FBXW8: variants seen among roughly 807,000 people sequenced by gnomAD.
FBXW8 encodes the protein F-box/WD repeat-containing protein 8.
Under a neutral mutation model 65.3 loss-of-function variants are expected in FBXW8, and 57 were observed. The observed-to-expected ratio is 0.87, with a 90% CI of 0.71 to 1.09. The LOEUF is 1.09. Ranked by LOEUF, FBXW8 falls within the 50% of genes least tolerant of loss-of-function variation. FBXW8 has a pLI of 0.00. For synonymous variants in FBXW8, 308 were observed against 330.2 expected (o/e 0.93, Z 0.73); for missense variants, 777 against 814.8 (o/e 0.95, Z 0.57).
rs1381430366 is a variant in FBXW8 at position 116,932,228 on chromosome 12, G to A, written c.423+4101G>A. ...TGATGGACAACTGTATTCTCTAGGA[G>A]ACACTGGAGTATCCATTCTCCATAA... On this transcript the variant is annotated intron_variant, in intron 2 of 10. Coordinates refer to ENST00000652555, the MANE Select transcript of FBXW8 (RefSeq NM_153348.3). Among the ~76,000 whole-genome samples the A allele has an allele frequency of 2.0e-5, 3 of 152,240 alleles. No homozygotes were observed. In the East Asian group the frequency reaches 5.8e-4, roughly 29 times the overall value.
chr12:117,016,870 A>G (rs752242305), intron 8 of FBXW8, among the ~76,000 whole-genome samples: 6 of 152,172 alleles, frequency 3.9e-5, no homozygotes, highest in Non-Finnish European at 7.3e-5. Flanking sequence ...CTATCCTGGC[A>G]CCATCTGTTG....
At chr12:116,934,661 C>CA (rs769878895) in intron 2 of FBXW8, among the ~76,000 whole-genome samples, 82 of 152,004 alleles carry the variant, frequency 5.4e-4, no homozygotes, top group Non-Finnish European at 9.4e-4. Flanking sequence ...TAGGAAGTTG[C>CA]AAAAAATAGT....
chr12:116,949,767 C>A, intron 4 of FBXW8, 61 bp downstream of exon 4: 1 of 1,478,006 alleles, frequency 6.8e-7, no homozygotes, highest in Non-Finnish European at 9.5e-7. Context: ...TTTCTCATAC[C>A]ACCCTCTGAG....
rs780902755 is a variant in FBXW8 at position 116,928,083 on chromosome 12, A to G, written c.379A>G (p.Ile127Val). ...ACTGCCTTACGAATTGGCAATCAATATATTTCAGTATCTGGACAGGAAAGA... is the reference window on the plus strand; with the variant it reads ...ACTGCCTTACGAATTGGCAATCAATGTATTTCAGTATCTGGACAGGAAAGA... ...IQLPYELAIN[I>V]FQYLDRKELG... Residue 127 changes from isoleucine (I) to valine (V), a missense_variant, in exon 2 of 11, where the codon ATA becomes GTA. Coordinates refer to ENST00000652555, the MANE Select transcript of FBXW8 (RefSeq NM_153348.3). The G allele has an allele frequency of 5.0e-6, 8 of 1,612,512 alleles. No homozygotes were observed. The South Asian group carries it at 8.8e-5, about 18-fold the overall frequency.
rs572886322 is a variant in FBXW8, at chr12:116,934,033, C to G, written c.423+5906C>G. ...ACTAAATGTATGCCCTTGGAGAAAA[C>G]CTGTTTGCTTAGATCTTTATGCCAA... is the stretch of plus-strand genomic sequence containing the variant. On this transcript the variant is annotated intron_variant, in intron 2 of 10. Transcript: ENST00000652555. 1.2e-4 allele frequency among the ~76,000 whole-genome samples: 18 copies of G among 152,152 alleles called. No homozygotes were observed. The South Asian group carries it at 3.7e-3, about 32-fold the overall frequency.
chr12:117,010,602 C>T, intron 8 of FBXW8, 152 bp downstream of exon 8: 1 of 955,416 alleles, frequency 1.0e-6, no homozygotes, highest in Non-Finnish European at 1.6e-6. Flanking sequence ...ACTCAGAGAA[C>T]AAAGTCCTGT....
chr12:116,991,514 G>A (rs1010120611), intron 7 of FBXW8, among the ~76,000 whole-genome samples: 11 of 152,178 alleles, frequency 7.2e-5, no homozygotes, highest in African/African-American at 1.4e-4. Flanking sequence ...CTTTGCTTGC[G>A]AATACCATGC....
At chr12:117,017,047 C>G (rs1953969402) in intron 8 of FBXW8, among the ~76,000 whole-genome samples, 1 of 152,222 alleles carries the variant, frequency 6.6e-6, no homozygotes, top group South Asian at 2.1e-4. Flanking sequence ...ATACCTCACC[C>G]TTTCTAAAAT....
At chr12:116,976,056 A>G (rs940309221) in intron 5 of FBXW8, among the ~76,000 whole-genome samples, 3 of 152,256 alleles carry the variant, frequency 2.0e-5, no homozygotes, top group East Asian at 1.9e-4. Context: ...GGATGAAGCT[A>G]TAACTGGAAC....
chr12:116,912,047 C>T (rs1016079138), intron 1 of FBXW8, among the ~76,000 whole-genome samples: 7 of 152,080 alleles, frequency 4.6e-5, no homozygotes, highest in Non-Finnish European at 7.4e-5. Flanking sequence ...TCAAGAACAC[C>T]TGAAATGCAT....
chr12:117,008,648 C>T (rs1953732522), intron 7 of FBXW8, among the ~76,000 whole-genome samples: 1 of 152,138 alleles, frequency 6.6e-6, no homozygotes, highest in Non-Finnish European at 1.5e-5. Context: ...TGATTATTTT[C>T]AAGGTAGAGA....
chr12:116,922,845 G>A (rs1593040819), intron 1 of FBXW8, among the ~76,000 whole-genome samples: 1 of 151,936 alleles, frequency 6.6e-6, no homozygotes, highest in Non-Finnish European at 1.5e-5. Flanking sequence ...AAAGGGGATG[G>A]ATAGATTTTT....
At chr12:117,016,477 T>C (rs1054981313) in intron 8 of FBXW8, among the ~76,000 whole-genome samples, 2 of 148,836 alleles carry the variant, frequency 1.3e-5, no homozygotes, top group African/African-American at 2.6e-5. Flanking sequence ...CTTTATATTA[T>C]TGAGTTATTA....
Position 116,988,693 on chromosome 12 carries a change from A to G in FBXW8, c.1063A>G (p.Arg355Gly). The change falls in exon 7 of 11, where the codon AGA becomes GGA. Residue 355 changes from arginine to glycine, a missense_variant. Coordinates refer to ENST00000652555, the MANE Select transcript of FBXW8 (RefSeq NM_153348.3). ...VQYLEIVPET[R>G]RYPVAVAAAG... ...GTACCTTGAAATAGTTCCAGAAACC[A>G]GAAGGTACCCTGTGGCAGTAGCCGC... 2 of 1,614,222 alleles carry G rather than the reference A, an allele frequency of 1.2e-6. No individual in the cohort carries two copies. The highest frequency in any genetic ancestry group is 1.7e-6 in the Non-Finnish European group (2 of 1,180,042).
At chr12:116,999,114 G>A (rs565242897) in intron 7 of FBXW8, among the ~76,000 whole-genome samples, 2 of 152,224 alleles carry the variant, frequency 1.3e-5, no homozygotes, top group East Asian at 1.9e-4. Flanking sequence ...GCATTCCCTC[G>A]ATGTGTTATT....
At chr12:117,009,400 C>G (rs1383292533) in intron 7 of FBXW8, among the ~76,000 whole-genome samples, 1 of 151,952 alleles carries the variant, frequency 6.6e-6, no homozygotes, top group Non-Finnish European at 1.5e-5. Flanking sequence ...CCCCCACCCC[C>G]TCAAAAAAAC....
intron 4 of FBXW8, among the ~76,000 whole-genome samples, chr12:116,951,965 G>A (rs1883312690): frequency 6.6e-6 from 1 of 152,178 alleles, no homozygotes; most frequent in African/African-American, 2.4e-5. Context: ...TTTTGTCCGT[G>A]AGTCTTTGCT....
At chr12:117,002,577 T>C (rs1329497856) in intron 7 of FBXW8, 1 of 152,182 alleles carries the variant, frequency 6.6e-6, no homozygotes, top group African/African-American at 2.4e-5. Context: ...GTGAAAGTCA[T>C]TTTCCACATG....
chr12:116,964,009 G>A (rs773660244), intron 4 of FBXW8, among the ~76,000 whole-genome samples: 3 of 152,182 alleles, frequency 2.0e-5, no homozygotes, highest in Admixed American at 6.5e-5. Flanking sequence ...GAGTAGGTTC[G>A]GCCTGGCCTG....
Sources: gnomAD v4.1 joint callset for allele counts (sites outside exome capture counted in the v4.1 genomes callset) on GRCh38, gnomAD v4.1.1 for gene constraint, MANE v1.5 for transcripts, NCBI Gene and HGNC (gene_info 2026-07-23, HGNC 2026-07-21) for gene names.